The following CYLD variants were observed in gnomAD, a reference collection of about 807,000 sequenced individuals.
CYLD encodes the protein ubiquitin carboxyl-terminal hydrolase CYLD.
In CYLD, 26 loss-of-function variants were observed where a neutral mutation model predicts 104.5. The ratio of observed to expected loss-of-function variants is 0.25; its 90% confidence interval spans 0.18 to 0.35. The LOEUF (loss-of-function observed/expected upper bound fraction) is 0.35. CYLD is among the 10% of genes least tolerant of loss of function. The pLI is 1.00. For synonymous variants in CYLD, 385 were observed against 399.9 expected (o/e 0.96, Z 0.45); for missense variants, 703 against 1,136.1 (o/e 0.62, Z 5.48).
At chr16:50,774,850 G>T (rs562996115) in intron 5 of CYLD, among the ~76,000 whole-genome samples, 2 of 152,354 alleles carry the variant, frequency 1.3e-5, no homozygotes, top group South Asian at 4.1e-4. Flanking sequence ...GGGGACCACA[G>T]TATTAGTACA....
intron 4 of CYLD, 95 bp from the exon 5 acceptor site, chr16:50,754,224 T>C (rs575997898): frequency 2.1e-5 from 17 of 806,668 alleles, no homozygotes; most frequent in Middle Eastern, 6.8e-4. Context: ...CATTTACCAA[T>C]GTAAAATATT....
intron 17 of CYLD, among the ~76,000 whole-genome samples, chr16:50,793,919 C>CT (rs1971693752): frequency 3.1e-5 from 4 of 127,880 alleles, no homozygotes; most frequent in African/African-American, 6.5e-5. Flanking sequence ...TCATTAATGA[C>CT]ATTTTTTTTT....
chr16:50,742,560 T>G, intron 1 of CYLD: 1 of 144,106 alleles, frequency 6.9e-6, no homozygotes. Flanking sequence ...CCCACCCCAT[T>G]TACAGATTGG....
At chr16:50,775,940 T>C (rs1969631988) in intron 6 of CYLD, among the ~76,000 whole-genome samples, 1 of 152,218 alleles carries the variant, frequency 6.6e-6, no homozygotes, top group Admixed American at 6.5e-5. Flanking sequence ...AGCATTTAGC[T>C]GAATTGTATT....
At position 50,799,769 on chromosome 16, in the gene CYLD, G is replaced by A. The variant is rs939650304; in HGVS notation, c.*3261G>A. The A allele has an allele frequency of 1.7e-5, 4 of 233,022 alleles. No homozygotes were observed. Among genetic ancestry groups the A allele is most frequent in the African/African-American group, 8.8e-5 (4 of 45,236 alleles). The allele number at this position is 233,022 out of a possible 1,614,324, so 14.4% of individuals were successfully genotyped here. A position where few individuals can be genotyped will look rare whatever the true frequency, so the allele number is the denominator to read the frequency against. On this transcript the variant is annotated 3_prime_UTR_variant, in exon 19 of 19. Transcript: ENST00000427738. ...TCAGGATTCACTACCCTCTATAGCT[G>A]GATCTTGAAAATTATCTGGCCAGAT...
rs1160559412 is a variant in CYLD at position 50,798,341 on chromosome 16, A to G, written c.*1833A>G. On this transcript the variant is annotated 3_prime_UTR_variant, in exon 19 of 19. Coordinates refer to ENST00000427738, the MANE Select transcript of CYLD (RefSeq NM_001378743.1). ...TTAAAAAAAGGATGGTTACATCCGT[A>G]TTGAACATGTACAGACTTTTTTCTT... 4.3e-6 allele frequency: 1 copy of G among 231,840 alleles called. No individual in the cohort carries two copies. Among genetic ancestry groups the G allele is most frequent in the Non-Finnish European group, 8.5e-6 (1 of 117,306 alleles). The allele number at this position is 231,840 out of a possible 1,614,324, so 14.4% of individuals were successfully genotyped here. A position where few individuals can be genotyped will look rare whatever the true frequency, so the allele number is the denominator to read the frequency against.
At chr16:50,773,476 A>T (rs1013164303) in intron 5 of CYLD, among the ~76,000 whole-genome samples, 6 of 152,266 alleles carry the variant, frequency 3.9e-5, no homozygotes, top group African/African-American at 1.4e-4. Flanking sequence ...GTATGAATAG[A>T]CCATAATTTG....
At chr16:50,752,220 G>A (rs144222182) in intron 4 of CYLD, among the ~76,000 whole-genome samples, 1 of 151,484 alleles carries the variant, frequency 6.6e-6, no homozygotes, top group East Asian at 1.9e-4. Flanking sequence ...CTAGAATAAT[G>A]TTCTCTATCT....
Position 50,760,389 on chromosome 16 carries a change from T to C in CYLD, c.913+5965T>C, listed in dbSNP as rs192929204. Among the ~76,000 whole-genome samples, 50 of 152,282 alleles carry C rather than the reference T, an allele frequency of 3.3e-4. No individual in the cohort carries two copies. In the South Asian group the frequency reaches 3.7e-3, roughly 11 times the overall value. ...TTAAAAAGTACAATAAAATATCTCA[T>C]TTCCATTTTTATCCCCTCTGCCTCA... On this transcript the variant is annotated intron_variant, in intron 5 of 18. Coordinates refer to ENST00000427738, the MANE Select transcript of CYLD (RefSeq NM_001378743.1).
At chr16:50,760,548 A>G (rs567503616) in intron 5 of CYLD, among the ~76,000 whole-genome samples, 22 of 152,248 alleles carry the variant, frequency 1.4e-4, no homozygotes, top group African/African-American at 4.8e-4. Context: ...GAAGTGTAGT[A>G]GATACACTAT....
chr16:50,764,751 G>C (rs1968310205), intron 5 of CYLD, among the ~76,000 whole-genome samples: 1 of 152,120 alleles, frequency 6.6e-6, no homozygotes, highest in East Asian at 1.9e-4. Context: ...ATTTTTGATT[G>C]CCACATCTGA....
chr16:50,761,901 C>T (rs1325899048), intron 5 of CYLD, among the ~76,000 whole-genome samples: 2 of 152,328 alleles, frequency 1.3e-5, no homozygotes, highest in African/African-American at 4.8e-5. Context: ...AAAAGTCCCT[C>T]TTTACTGGTT....
At chr16:50,759,983 T>TTA (rs1967717757) in intron 5 of CYLD, among the ~76,000 whole-genome samples, 1 of 152,250 alleles carries the variant, frequency 6.6e-6, no homozygotes, top group South Asian at 2.1e-4. Flanking sequence ...TGTTATGACA[T>TTA]TTTAAACAGA....
At chr16:50,745,293 A>G (rs1340148460) in intron 2 of CYLD, among the ~76,000 whole-genome samples, 1 of 151,036 alleles carries the variant, frequency 6.6e-6, no homozygotes, top group East Asian at 1.9e-4. Flanking sequence ...CCTTTACTTA[A>G]AGGCAGAAGC....
Position 50,794,870 on chromosome 16 carries a change from C to A in CYLD, c.2686+442C>A. ...TCCTGGCCTCAAGTGATTAACCCTC[C>A]TTTTCCTCTCGATGTGCTGGGATTA... On this transcript the variant is annotated intron_variant, in intron 18 of 18. Coordinates refer to ENST00000427738, the MANE Select transcript of CYLD (RefSeq NM_001378743.1). The surrounding 1 kb of genome is among the most constrained non-coding windows in gnomAD (Gnocchi z 4.1). 1 of 241,630 alleles carries A rather than the reference C, an allele frequency of 4.1e-6. No individual in the cohort carries two copies. Among genetic ancestry groups the A allele is most frequent in the Non-Finnish European group, 8.2e-6 (1 of 121,596 alleles). 15.0% of individuals were successfully genotyped at this position (241,630 alleles called of 1,614,324 possible).
At chr16:50,780,130 C>G in intron 9 of CYLD, 86 bp downstream of exon 9, 2 of 1,474,068 alleles carry the variant, frequency 1.4e-6, no homozygotes, top group Non-Finnish European at 9.4e-7. Context: ...TTTTGACAAA[C>G]TGTTATATTT....
chr16:50,747,175 T>A (rs1417283687), intron 2 of CYLD, among the ~76,000 whole-genome samples: 1 of 152,230 alleles, frequency 6.6e-6, no homozygotes, highest in Non-Finnish European at 1.5e-5. Flanking sequence ...AAAGCCTATG[T>A]GCCCTTTGCT....
intron 18 of CYLD, 99 bp from the exon 19 acceptor site, chr16:50,796,225 C>A: frequency 8.4e-7 from 1 of 1,185,920 alleles, no homozygotes; most frequent in Non-Finnish European, 1.2e-6. Context: ...GCTTTTAGAG[C>A]CTGAAATTAG....
rs1041097628 is a variant in CYLD, at chr16:50,796,403, C to T, written c.2766C>T (p.Asp922=). The T allele has an allele frequency of 1.2e-6, 2 of 1,613,998 alleles. No individual in the cohort carries two copies. Among genetic ancestry groups the T allele is most frequent in the African/African-American group, 1.3e-5 (1 of 74,906 alleles). The change falls in exon 19 of 19, where the codon GAC becomes GAT. Residue 922 remains aspartate, a synonymous_variant. Coordinates refer to ENST00000427738, the MANE Select transcript of CYLD (RefSeq NM_001378743.1). The stretch of plus-strand genomic sequence containing the variant: ...AGTACTTGAAGATGTCTCTGGAAGA[C>T]CTGCATTCCTTGGACTCCAGGAGAA... The part of the protein sequence containing the change: ...VGEYLKMSLE[D]LHSLDSRRIQ...
Sources: gnomAD v4.1 joint callset for allele counts (sites outside exome capture counted in the v4.1 genomes callset) on GRCh38, gnomAD v4.1.1 for gene constraint, Gnocchi (gnomAD v3.1) non-coding constraint, MANE v1.5 for transcripts, NCBI Gene and HGNC (gene_info 2026-07-23, HGNC 2026-07-21) for gene names.